Variants in KSR2 observed in about 807,000 individuals in gnomAD.
The protein encoded by KSR2 is kinase suppressor of ras 2.
Under a neutral mutation model 107.8 loss-of-function variants are expected in KSR2, and 25 were observed. That is an observed-to-expected ratio of 0.23 (90% CI 0.17 to 0.32). The LOEUF (loss-of-function observed/expected upper bound fraction) is 0.32. Among genes scored for constraint, KSR2 ranks in the 10% least tolerant of loss-of-function variants. The pLI, the probability that KSR2 is intolerant of heterozygous loss-of-function variation, is 1.00. For synonymous variants in KSR2, 480 were observed against 507.0 expected (o/e 0.95, Z 0.71); for missense variants, 887 against 1,268.9 (o/e 0.70, Z 4.57).
chr12:117,784,843 G>A (rs754260056), intron 3 of KSR2, among the ~76,000 whole-genome samples: 1 of 152,140 alleles, frequency 6.6e-6, no homozygotes, highest in Admixed American at 6.5e-5. Context: ...TGTGTGAAAT[G>A]CTGCCCACAC....
Position 117,470,389 on chromosome 12 carries a change from C to T in KSR2, c.2713-594G>A, listed in dbSNP as rs1871375845. Among the ~76,000 whole-genome samples, 3 of 151,690 alleles carry T rather than the reference C, an allele frequency of 2.0e-5. No individual in the cohort carries two copies. In the South Asian group the frequency reaches 6.3e-4, roughly 32 times the overall value. ...TCATTAATTCTTCATCCTTCATTAT[C>T]CATCCATCCATCCATCCATCCGTTT... is the stretch of plus-strand genomic sequence containing the variant. On this transcript the variant is annotated intron_variant, in intron 18 of 19. Coordinates refer to ENST00000339824, the MANE Select transcript of KSR2 (RefSeq NM_173598.6).
intron 4 of KSR2, among the ~76,000 whole-genome samples, chr12:117,697,056 C>A (rs1886092952): frequency 6.6e-6 from 1 of 152,156 alleles, no homozygotes; most frequent in African/African-American, 2.4e-5. Flanking sequence ...CGCCTTTAAC[C>A]ATTTTGCGGA....
chr12:117,883,282 T>C (rs1417172674), intron 1 of KSR2, among the ~76,000 whole-genome samples: 1 of 152,222 alleles, frequency 6.6e-6, no homozygotes, highest in African/African-American at 2.4e-5. Context: ...ATAATTACTG[T>C]TATTAATAAT....
intron 1 of KSR2, among the ~76,000 whole-genome samples, chr12:117,918,325 C>CA (rs1469059031): frequency 1.3e-5 from 2 of 152,196 alleles, no homozygotes; most frequent in African/African-American, 4.8e-5. Context: ...CACTAGCTCC[C>CA]ACTGCCCATC....
chr12:117,949,520 A>G (rs187269422), intron 1 of KSR2, among the ~76,000 whole-genome samples: 7 of 152,330 alleles, frequency 4.6e-5, no homozygotes, highest in Admixed American at 2.6e-4. Context: ...AACAGTAGAA[A>G]TATATTGGGG....
intron 1 of KSR2, among the ~76,000 whole-genome samples, chr12:117,912,643 A>G (rs1258832028): frequency 1.3e-5 from 2 of 152,222 alleles, no homozygotes; most frequent in East Asian, 3.8e-4. Context: ...AAAATGTTTC[A>G]GCAAATGCCT....
chr12:117,671,664 A>G (rs888882157), intron 4 of KSR2, among the ~76,000 whole-genome samples: 6 of 152,192 alleles, frequency 3.9e-5, no homozygotes, highest in South Asian at 2.1e-4. Flanking sequence ...TTCATCCCTT[A>G]GCTTAGTACT....
chr12:117,911,890 G>T (rs1895028327), intron 1 of KSR2, among the ~76,000 whole-genome samples: 1 of 152,222 alleles, frequency 6.6e-6, no homozygotes, highest in Non-Finnish European at 1.5e-5. Flanking sequence ...GCGTCTCCGG[G>T]CCAGGAGAAC....
intron 4 of KSR2, among the ~76,000 whole-genome samples, chr12:117,687,525 A>T (rs1593130927): frequency 6.6e-6 from 1 of 152,176 alleles, no homozygotes; most frequent in East Asian, 1.9e-4. Context: ...GGCTCGCTGC[A>T]AATTGTCACT....
At chr12:117,587,194 G>A (rs1880056777) in intron 5 of KSR2, among the ~76,000 whole-genome samples, 1 of 152,174 alleles carries the variant, frequency 6.6e-6, no homozygotes, top group Non-Finnish European at 1.5e-5. Flanking sequence ...TGGAACCTGG[G>A]AGTATGTTAT....
At chr12:117,894,790 T>C (rs915319083) in intron 1 of KSR2, among the ~76,000 whole-genome samples, 2 of 145,274 alleles carry the variant, frequency 1.4e-5, no homozygotes, top group Admixed American at 7.0e-5. Context: ...CCATGCCTGC[T>C]TCCCCTTTGC....
chr12:117,855,589 G>A lies in KSR2; in HGVS notation c.322-11C>T, dbSNP rs767969642. The stretch of plus-strand genomic sequence containing the variant: ...GCCGGGGGAGATTTCCTAGAGGAGG[G>A]GAGAAGGATTGTCAACCGTGGGGCA... On this transcript the variant is annotated splice_polypyrimidine_tract_variant and intron_variant, in intron 2 of 19. Transcript: ENST00000339824. 6 of 1,613,812 alleles carry A rather than the reference G, an allele frequency of 3.7e-6. No individual in the cohort carries two copies. Among genetic ancestry groups the A allele is most frequent in the Admixed American group, 3.3e-5 (2 of 59,994 alleles).
intron 3 of KSR2, among the ~76,000 whole-genome samples, chr12:117,791,947 C>A (rs1274988414): frequency 1.3e-5 from 2 of 152,166 alleles, no homozygotes; most frequent in Non-Finnish European, 2.9e-5. Flanking sequence ...CAGCACTATG[C>A]CCACAATGAG....
At chr12:117,828,369 T>C (rs972699602) in intron 3 of KSR2, among the ~76,000 whole-genome samples, 10 of 152,224 alleles carry the variant, frequency 6.6e-5, no homozygotes, top group African/African-American at 2.4e-4. Flanking sequence ...CGGCAGCACG[T>C]AAAAGCCCTC....
At chr12:117,643,479 T>C (rs1227284319) in intron 5 of KSR2, among the ~76,000 whole-genome samples, 1 of 152,050 alleles carries the variant, frequency 6.6e-6, no homozygotes, top group African/African-American at 2.4e-5. Flanking sequence ...AACAACAAAA[T>C]AGCCATTTAT....
chr12:117,516,165 A>T (rs973174598), intron 14 of KSR2, among the ~76,000 whole-genome samples: 2 of 152,170 alleles, frequency 1.3e-5, no homozygotes, highest in Non-Finnish European at 2.9e-5. Context: ...TCTTTTCCCC[A>T]GATGACCTCA....
In KSR2 at chr12:117,907,174, A is replaced by C. The variant is rs761635819; in HGVS notation, c.181-46743T>G. Among the ~76,000 whole-genome samples the C allele has an allele frequency of 1.3e-5, 2 of 152,158 alleles. No homozygotes were observed. Among genetic ancestry groups the C allele is most frequent in the African/African-American group, 4.8e-5 (2 of 41,440 alleles). ...AGCTGAAGCTCACGGAGATTAAATT[A>C]CTTGCTTACATGAGCACCGTAAGTA... is the stretch of plus-strand genomic sequence containing the variant. On this transcript the variant is annotated intron_variant, in intron 1 of 19. Coordinates refer to ENST00000339824, the MANE Select transcript of KSR2 (RefSeq NM_173598.6). The surrounding 1 kb of genome is among the most constrained non-coding windows in gnomAD (Gnocchi z 4.3).
chr12:117,878,413 C>T (rs1206596278), intron 1 of KSR2, among the ~76,000 whole-genome samples: 1 of 152,146 alleles, frequency 6.6e-6, no homozygotes, highest in Admixed American at 6.6e-5. Flanking sequence ...TGGGGACCCA[C>T]CCTCAGCACC....
At position 117,533,231 on chromosome 12, in the gene KSR2, ATCT is replaced by A. The variant is rs1181142188; in HGVS notation, c.1688-1527_1688-1525del. 7.2e-5 allele frequency among the ~76,000 whole-genome samples: 11 copies of A among 152,362 alleles called. No individual in the cohort carries two copies. The East Asian group carries it at 9.6e-4, about 13-fold the overall frequency. ...TCACATAGTTCCAAGTGCTAATGAA[ATCT>A]TCTGCTTTGGGGAAGCAGACGGAAC... On this transcript the variant is annotated intron_variant, in intron 10 of 19. Transcript: ENST00000339824.
Sources: allele counts gnomAD v4.1 joint callset (sites outside exome capture counted in the v4.1 genomes callset), GRCh38; gene constraint gnomAD v4.1.1; non-coding constraint Gnocchi (gnomAD v3.1); transcripts MANE v1.5; gene names NCBI Gene and HGNC (gene_info 2026-07-23, HGNC 2026-07-21).